SSPN: variants seen among roughly 807,000 people sequenced by gnomAD.
The protein encoded by SSPN is sarcospan, also known as K-ras oncogene-associated protein.
Under a neutral mutation model 19.1 loss-of-function variants are expected in SSPN, and 15 were observed. The ratio of observed to expected loss-of-function variants is 0.78; its 90% confidence interval spans 0.52 to 1.21. The LOEUF (loss-of-function observed/expected upper bound fraction) is 1.21. SSPN is among the 50% of genes most tolerant of loss of function. The pLI is 0.00. For synonymous variants in SSPN, 147 were observed against 140.3 expected (o/e 1.05, Z -0.34); for missense variants, 291 against 314.0 (o/e 0.93, Z 0.55).
Position 26,156,053 on chromosome 12 carries a change from AG to A in SSPN, c.-31+33902del, listed in dbSNP as rs1395895983. ...AAGAACTTTGATGGTAAAGAATCTTAGAATGAAAGTAAGACATGACAAAGAA... is the reference window on the plus strand; with the variant it reads ...AAGAACTTTGATGGTAAAGAATCTTAAATGAAAGTAAGACATGACAAAGAA... On this transcript the variant is annotated intron_variant, in intron 1 of 2. Coordinates refer to the SSPN transcript ENST00000538142. Among the ~76,000 whole-genome samples, 3 of 152,362 alleles carry A rather than the reference AG, an allele frequency of 2.0e-5. No individual in the cohort carries two copies. The East Asian group carries it at 5.8e-4, about 29-fold the overall frequency.
chr12:26,128,270 G>A (rs1415492968), intron 1 of SSPN, among the ~76,000 whole-genome samples: 1 of 152,202 alleles, frequency 6.6e-6, no homozygotes, highest in African/African-American at 2.4e-5. Context: ...TTTTGCAAGA[G>A]AGATGGAAAA....
chr12:26,211,988 T>G (rs1455615255), intron 1 of SSPN, among the ~76,000 whole-genome samples: 3 of 152,168 alleles, frequency 2.0e-5, no homozygotes, highest in African/African-American at 7.2e-5. Flanking sequence ...ATCAGAACTT[T>G]TATCACAAAG....
At chr12:26,145,082 G>T (rs1235220196) in intron 1 of SSPN, among the ~76,000 whole-genome samples, 1 of 152,196 alleles carries the variant, frequency 6.6e-6, no homozygotes, top group Non-Finnish European at 1.5e-5. Flanking sequence ...TTTGGTCTAT[G>T]TAACCAGCTG....
intron 1 of SSPN, among the ~76,000 whole-genome samples, chr12:26,215,598 T>A (rs1195961147): frequency 6.6e-6 from 1 of 152,206 alleles, no homozygotes; most frequent in Non-Finnish European, 1.5e-5. Context: ...AATTAGCAAA[T>A]GCTACAAATA....
At position 26,232,556 on chromosome 12, in the gene SSPN, A is replaced by G. The variant is rs891193916; in HGVS notation, c.*1480A>G. On this transcript the variant is annotated 3_prime_UTR_variant, in exon 3 of 3. Transcript: ENST00000242729. ...TGCCTATTGATACACTTTACTAATC[A>G]TGAAATTCTAACCTAAAAGGAAAAC... is the stretch of plus-strand genomic sequence containing the variant. 2 of 985,336 alleles carry G rather than the reference A, an allele frequency of 2.0e-6. No individual in the cohort carries two copies. The highest frequency in any genetic ancestry group is 3.5e-5 in the African/African-American group (2 of 57,238). The allele number at this position is 985,336 out of a possible 1,614,324, so 61.0% of individuals were successfully genotyped here. A position where few individuals can be genotyped will look rare whatever the true frequency, so the allele number is the denominator to read the frequency against.
In SSPN at chr12:26,231,152, CAAAG is replaced by C. The variant is rs1945228762; in HGVS notation, c.*81_*84del. ...TAAACAAACAAAAAAAAATTTTAAA[CAAAG>C]AAAGGAAAAAAATTGACAATAAAAG... On this transcript the variant is annotated 3_prime_UTR_variant, in exon 3 of 3. Coordinates refer to ENST00000242729, the MANE Select transcript of SSPN (RefSeq NM_005086.5). The C allele has an allele frequency of 4.9e-6, 7 of 1,435,376 alleles. No homozygotes were observed. The highest frequency in any genetic ancestry group is 3.4e-5 in the South Asian group (2 of 59,568). The allele number at this position is 1,435,376 out of a possible 1,614,324, so 88.9% of individuals were successfully genotyped here.
intron 1 of SSPN, among the ~76,000 whole-genome samples, chr12:26,202,158 A>C (rs1944891717): frequency 6.6e-6 from 1 of 152,234 alleles, no homozygotes; most frequent in Admixed American, 6.5e-5. Flanking sequence ...TTATTGAGGG[A>C]ATAATGACAT....
At chr12:26,141,048 A>G (rs183033067) in intron 1 of SSPN, among the ~76,000 whole-genome samples, 1 of 152,322 alleles carries the variant, frequency 6.6e-6, no homozygotes, top group Non-Finnish European at 1.5e-5. Context: ...ATAAATGTCC[A>G]TGTCCTAATC....
At chr12:26,191,699 C>T (rs1216854142), upstream of SSPN, among the ~76,000 whole-genome samples, 18 of 70,658 alleles carry the variant, frequency 2.5e-4, no homozygotes, top group Admixed American at 2.1e-3. Flanking sequence ...CACACACACA[C>T]ACACACACAC....
At position 26,156,718 on chromosome 12, in the gene SSPN, A is replaced by G. The variant is rs182203509; in HGVS notation, c.-31+34566A>G. 3.9e-5 allele frequency among the ~76,000 whole-genome samples: 6 copies of G among 152,344 alleles called. No homozygotes were observed. In the East Asian group the frequency reaches 9.6e-4, roughly 24 times the overall value. On this transcript the variant is annotated intron_variant, in intron 1 of 2. Coordinates refer to the SSPN transcript ENST00000538142. Reference sequence around the variant, plus strand: ...AGAAAATGATTTTTAGAAGGGACAAATATAGAGAGCAGCTCAGGAAGACAC... The same window carrying G: ...AGAAAATGATTTTTAGAAGGGACAAGTATAGAGAGCAGCTCAGGAAGACAC...
intron 1 of SSPN, among the ~76,000 whole-genome samples, chr12:26,164,263 A>G (rs531185625): frequency 3.0e-4 from 46 of 152,262 alleles, no homozygotes; most frequent in Non-Finnish European, 4.8e-4. Context: ...ATGGATTCTC[A>G]GGATCCTTCC....
At chr12:26,158,583 C>T (rs769900183) in intron 1 of SSPN, among the ~76,000 whole-genome samples, 10 of 152,224 alleles carry the variant, frequency 6.6e-5, no homozygotes, top group South Asian at 6.2e-4. Flanking sequence ...TTTTGCTGGT[C>T]GACTCTGAAT....
intron 1 of SSPN, among the ~76,000 whole-genome samples, chr12:26,188,282 A>AC (rs1239634986): frequency 1.3e-5 from 2 of 152,170 alleles, no homozygotes; most frequent in Non-Finnish European, 2.9e-5. Context: ...GTAGGGGAAA[A>AC]AGAACACGAC....
intron 1 of SSPN, among the ~76,000 whole-genome samples, chr12:26,211,834 G>A (rs996611519): frequency 6.6e-6 from 1 of 152,106 alleles, no homozygotes; most frequent in African/African-American, 2.4e-5. Context: ...ATGTAACTTT[G>A]GTGGGAAAAA....
intron 1 of SSPN, among the ~76,000 whole-genome samples, chr12:26,210,582 A>AT (rs1358805251): frequency 6.6e-6 from 1 of 151,352 alleles, no homozygotes; most frequent in Non-Finnish European, 1.5e-5. Context: ...GTTTTGGTTT[A>AT]TTTTTTCAGG....
exon 1 of SSPN, chr12:26,122,094 G>A (rs1323568281): frequency 3.9e-6 from 6 of 1,549,788 alleles, no homozygotes; most frequent in Middle Eastern, 3.4e-4. Context: ...TGGCTGCGAG[G>A]GATCTTCCTG....
rs1316277439 is a variant in SSPN, at chr12:26,234,100, C to A, written c.*3024C>A. The A allele has an allele frequency of 6.6e-6, 1 of 152,168 alleles. No individual in the cohort carries two copies. Among genetic ancestry groups the A allele is most frequent in the African/African-American group, 2.4e-5 (1 of 41,428 alleles). The allele number at this position is 152,168 out of a possible 1,614,324, so 9.4% of individuals were successfully genotyped here. The stretch of plus-strand genomic sequence containing the variant: ...TTTACACTTCTATAGGTTGTTCTGA[C>A]AGTGAGAACACATTATGTACATGTT... On this transcript the variant is annotated 3_prime_UTR_variant, in exon 3 of 3. Transcript: ENST00000242729.
chr12:26,189,713 T>G (rs1002533487), intron 1 of SSPN, among the ~76,000 whole-genome samples: 2 of 152,210 alleles, frequency 1.3e-5, no homozygotes, highest in Admixed American at 1.3e-4. Context: ...ATTCTCCTCC[T>G]TTTTCACCTC....
intron 1 of SSPN, among the ~76,000 whole-genome samples, chr12:26,174,124 C>T (rs902632414): frequency 6.6e-6 from 1 of 152,070 alleles, no homozygotes; most frequent in Non-Finnish European, 1.5e-5. Context: ...CTGCTTAAAC[C>T]CAGTAAAGGT....
Sources: gnomAD v4.1 joint callset for allele counts (sites outside exome capture counted in the v4.1 genomes callset) on GRCh38, gnomAD v4.1.1 for gene constraint, MANE v1.5 for transcripts, NCBI Gene and HGNC (gene_info 2026-07-23, HGNC 2026-07-21) for gene names.